TNIK: variants seen among roughly 807,000 people sequenced by gnomAD.
The protein encoded by TNIK is TRAF2 and NCK-interacting protein kinase.
TNIK carries 49 observed loss-of-function variants against 191.3 expected under a neutral mutation model. The observed-to-expected ratio is 0.26, with a 90% CI of 0.20 to 0.32. TNIK has a LOEUF of 0.32. TNIK is among the 10% of genes least tolerant of loss of function. The pLI, the probability that TNIK is intolerant of heterozygous loss-of-function variation, is 1.00. For synonymous variants in TNIK, 594 were observed against 600.9 expected (o/e 0.99, Z 0.17); for missense variants, 1,155 against 1,702.3 (o/e 0.68, Z 5.66).
At chr3:171,122,363 T>C (rs921804788) in intron 18 of TNIK, among the ~76,000 whole-genome samples, 3 of 152,190 alleles carry the variant, frequency 2.0e-5, no homozygotes, top group African/African-American at 7.2e-5. Flanking sequence ...GCACTAACGT[T>C]CCCTTGGCTG....
At chr3:171,417,134 T>C (rs1209895396) in intron 1 of TNIK, among the ~76,000 whole-genome samples, 1 of 152,228 alleles carries the variant, frequency 6.6e-6, no homozygotes, top group African/African-American at 2.4e-5. Flanking sequence ...TTGCATTCAG[T>C]TGCCAATAAT....
Position 171,230,178 on chromosome 3 carries a change from C to T in TNIK, c.124-1957G>A, listed in dbSNP as rs1378900296. Among the ~76,000 whole-genome samples, 9 of 152,250 alleles carry T rather than the reference C, an allele frequency of 5.9e-5. 1 individual carries two copies. Among genetic ancestry groups the T allele is most frequent in the Non-Finnish European group, 2.9e-5 (2 of 68,050 alleles). Reference sequence around the variant, plus strand: ...ACTTTCTTGCAGAGCAGCAACGCTACCTTTCCTGCAAACCATGAGTCAATC... The same window carrying T: ...ACTTTCTTGCAGAGCAGCAACGCTATCTTTCCTGCAAACCATGAGTCAATC... On this transcript the variant is annotated intron_variant, in intron 2 of 32. Transcript: ENST00000436636.
chr3:171,161,112 A>G (rs1184842124), intron 11 of TNIK, among the ~76,000 whole-genome samples, 158 bp downstream of exon 11: 5 of 152,164 alleles, frequency 3.3e-5, no homozygotes, highest in Non-Finnish European at 5.9e-5. Context: ...GCCTAGGGAA[A>G]TTTTCCCAAA....
At chr3:171,249,326 G>T (rs1456536779) in intron 2 of TNIK, among the ~76,000 whole-genome samples, 1 of 152,154 alleles carries the variant, frequency 6.6e-6, no homozygotes, top group Non-Finnish European at 1.5e-5. Flanking sequence ...TTCAACCCAG[G>T]TACCTTTAGG....
At chr3:171,386,646 T>G (rs1438354557) in intron 1 of TNIK, among the ~76,000 whole-genome samples, 3 of 152,218 alleles carry the variant, frequency 2.0e-5, no homozygotes, top group Non-Finnish European at 4.4e-5. Context: ...AATTTGCAAT[T>G]ACTGAAATTA....
intron 1 of TNIK, among the ~76,000 whole-genome samples, chr3:171,409,393 A>C (rs1047095308): frequency 6.6e-6 from 1 of 152,184 alleles, no homozygotes; most frequent in African/African-American, 2.4e-5. Flanking sequence ...TGTAGGAACA[A>C]CGTGACCTCA....
intron 2 of TNIK, among the ~76,000 whole-genome samples, chr3:171,289,988 ACGAT>A (rs1199936144): frequency 2.0e-5 from 3 of 151,988 alleles, no homozygotes; most frequent in Non-Finnish European, 4.4e-5. Context: ...CTCTTCTAAT[ACGAT>A]TCATTTGGGC....
chr3:171,107,997 A>G (rs1725199110), intron 20 of TNIK, 68 bp downstream of exon 20: 6 of 1,496,630 alleles, frequency 4.0e-6, no homozygotes, highest in African/African-American at 2.8e-5. Flanking sequence ...GTGTATCCCC[A>G]ACTACTTAAT....
chr3:171,233,430 ATCTG>A (rs374497430), intron 2 of TNIK, among the ~76,000 whole-genome samples: 35 of 151,844 alleles, frequency 2.3e-4, no homozygotes, highest in Admixed American at 7.2e-4. Flanking sequence ...TTCTTATTCT[ATCTG>A]TCTGTCTGTC....
intron 7 of TNIK, among the ~76,000 whole-genome samples, chr3:171,185,947 A>G (rs1345763096): frequency 1.3e-5 from 2 of 152,232 alleles, no homozygotes; most frequent in Non-Finnish European, 2.9e-5. Flanking sequence ...GCTATAGCAC[A>G]TGAGGGCCCA....
At chr3:171,412,902 G>A (rs771434058) in intron 1 of TNIK, among the ~76,000 whole-genome samples, 1 of 152,184 alleles carries the variant, frequency 6.6e-6, no homozygotes, top group Non-Finnish European at 1.5e-5. Context: ...AGGGAACACA[G>A]CCAAGCTAGC....
chr3:171,122,428 C>G (rs1272065029), intron 18 of TNIK, among the ~76,000 whole-genome samples: 1 of 152,130 alleles, frequency 6.6e-6, no homozygotes, highest in South Asian at 2.1e-4. Flanking sequence ...TTAGCAATAC[C>G]AGCTCAGTGT....
At chr3:171,356,235 T>C (rs923051481) in intron 2 of TNIK, among the ~76,000 whole-genome samples, 28 of 152,090 alleles carry the variant, frequency 1.8e-4, no homozygotes, top group African/African-American at 6.3e-4. Flanking sequence ...TTTTAAGAAG[T>C]CTAGAAATTT....
intron 2 of TNIK, among the ~76,000 whole-genome samples, chr3:171,347,639 A>G (rs1712471003): frequency 6.6e-6 from 1 of 152,200 alleles, no homozygotes; most frequent in Non-Finnish European, 1.5e-5. Flanking sequence ...TCATCGGAGC[A>G]GCAGCAATTT....
intron 12 of TNIK, among the ~76,000 whole-genome samples, chr3:171,144,552 G>A (rs1159170561): frequency 6.6e-6 from 1 of 152,148 alleles, no homozygotes; most frequent in African/African-American, 2.4e-5. Flanking sequence ...TTACATACAT[G>A]TATAAATTAT....
chr3:171,085,405 C>T (rs1285663461), intron 24 of TNIK, among the ~76,000 whole-genome samples, 176 bp from the exon 25 acceptor site: 1 of 152,224 alleles, frequency 6.6e-6, no homozygotes, highest in Non-Finnish European at 1.5e-5. Context: ...GTATTGGTTA[C>T]TCACTAGTCA....
chr3:171,349,153 C>T (rs1372293921), intron 2 of TNIK, among the ~76,000 whole-genome samples: 1 of 152,098 alleles, frequency 6.6e-6, no homozygotes, highest in African/African-American at 2.4e-5. Context: ...TCATCAACTA[C>T]CTTCATCTCT....
At chr3:171,119,743 A>G (rs1459306650) in intron 18 of TNIK, among the ~76,000 whole-genome samples, 2 of 151,992 alleles carry the variant, frequency 1.3e-5, no homozygotes, top group Admixed American at 1.3e-4. Context: ...TGGGAATTGA[A>G]CAATGAGAAC....
rs1318884346 is a variant in TNIK at position 171,366,879 on chromosome 3, A to T, written c.123+2741T>A. Among the ~76,000 whole-genome samples, 1 of 152,028 alleles carries T rather than the reference A, an allele frequency of 6.6e-6. No individual in the cohort carries two copies. The highest frequency in any genetic ancestry group is 2.4e-5 in the African/African-American group (1 of 41,386). On this transcript the variant is annotated intron_variant, in intron 2 of 32. Coordinates refer to ENST00000436636, the MANE Select transcript of TNIK (RefSeq NM_015028.4). The surrounding 1 kb of genome is among the most constrained non-coding windows in gnomAD (Gnocchi z 4.1). ...ATGATAGTGAGTTAGTTCTCATGAGATCTGATGGTTTTATAAGAGGCTTCC... is the reference window on the plus strand; with the variant it reads ...ATGATAGTGAGTTAGTTCTCATGAGTTCTGATGGTTTTATAAGAGGCTTCC...
Sources: gnomAD v4.1 joint callset for allele counts (sites outside exome capture counted in the v4.1 genomes callset) on GRCh38, gnomAD v4.1.1 for gene constraint, Gnocchi (gnomAD v3.1) non-coding constraint, MANE v1.5 for transcripts, NCBI Gene and HGNC (gene_info 2026-07-23, HGNC 2026-07-21) for gene names.